Variants in DAB1 observed in about 807,000 individuals in gnomAD.
DAB1 encodes the protein DAB adaptor protein 1.
A neutral mutation model predicts 64.6 loss-of-function variants in DAB1; 15 were observed. That is an observed-to-expected ratio of 0.23 (90% CI 0.16 to 0.36). The LOEUF (loss-of-function observed/expected upper bound fraction) is 0.36. DAB1 is among the 10% of genes least tolerant of loss of function. The pLI is 1.00. For missense variants in DAB1, 596 were observed against 706.7 expected, an observed-to-expected ratio of 0.84 and a Z score of 1.78; for synonymous variants, 235 against 251.9, an observed-to-expected ratio of 0.93 and a Z score of 0.64.
intron 4 of DAB1, among the ~76,000 whole-genome samples, chr1:58,297,168 A>C (rs980916552): frequency 6.6e-6 from 1 of 152,170 alleles, no homozygotes; most frequent in Non-Finnish European, 1.5e-5. Flanking sequence ...GTAAGCATTC[A>C]AGCTTCTTTC....
intron 6 of DAB1, among the ~76,000 whole-genome samples, chr1:57,679,767 C>T (rs1222279394): frequency 1.3e-5 from 2 of 152,156 alleles, no homozygotes; most frequent in Non-Finnish European, 2.9e-5. Flanking sequence ...GGAATAGCAA[C>T]AGGAAGCAGA....
At chr1:57,467,873 A>G (rs1183409221) in intron 7 of DAB1, among the ~76,000 whole-genome samples, 2 of 152,220 alleles carry the variant, frequency 1.3e-5, no homozygotes, top group East Asian at 3.8e-4. Context: ...ACAGATATAC[A>G]TTCTTTAGCA....
At chr1:57,461,172 C>T (rs1173994449) in intron 7 of DAB1, among the ~76,000 whole-genome samples, 1 of 152,180 alleles carries the variant, frequency 6.6e-6, no homozygotes, top group Non-Finnish European at 1.5e-5. Flanking sequence ...CTCCATTTAT[C>T]AAAGCAGATC....
intron 3 of DAB1, among the ~76,000 whole-genome samples, chr1:57,144,402 T>A (rs1441352186): frequency 2.0e-5 from 3 of 152,054 alleles, no homozygotes; most frequent in Admixed American, 1.3e-4. Flanking sequence ...ATTTAAAAAA[T>A]TTCTAATTTC....
chr1:58,039,414 T>C (rs950829516), intron 5 of DAB1, among the ~76,000 whole-genome samples: 4 of 152,220 alleles, frequency 2.6e-5, no homozygotes, highest in Non-Finnish European at 5.9e-5. Flanking sequence ...CTCTACCTCC[T>C]GAGCAATCCT....
intron 3 of DAB1, among the ~76,000 whole-genome samples, chr1:58,471,233 A>G (rs1645354502): frequency 1.3e-5 from 2 of 152,182 alleles, no homozygotes; most frequent in African/African-American, 4.8e-5. Context: ...GGGCCATGAT[A>G]TCTTGACACA....
chr1:58,513,002 A>G (rs1646105236), intron 2 of DAB1, among the ~76,000 whole-genome samples: 1 of 152,218 alleles, frequency 6.6e-6, no homozygotes, highest in Non-Finnish European at 1.5e-5. Flanking sequence ...CTTCAAGAAA[A>G]GTATTATAGA....
At chr1:57,026,252 G>A (rs1646783421) in intron 9 of DAB1, among the ~76,000 whole-genome samples, 1 of 152,144 alleles carries the variant, frequency 6.6e-6, no homozygotes, top group South Asian at 2.1e-4. Context: ...CCTTGCATCT[G>A]GCTATTTATC....
intron 2 of DAB1, among the ~76,000 whole-genome samples, chr1:57,173,763 A>G (rs1408623790): frequency 6.6e-6 from 1 of 152,170 alleles, no homozygotes; most frequent in African/African-American, 2.4e-5. Context: ...TTAGATAAAG[A>G]GGATTTGATT....
chr1:57,302,148 A>C (rs1048721013), intron 1 of DAB1, among the ~76,000 whole-genome samples: 2 of 152,166 alleles, frequency 1.3e-5, no homozygotes, highest in African/African-American at 4.8e-5. Flanking sequence ...CTTGACGGGA[A>C]GCAACCCAAT....
At chr1:58,502,678 C>A (rs1050312341) in intron 3 of DAB1, among the ~76,000 whole-genome samples, 1 of 152,208 alleles carries the variant, frequency 6.6e-6, no homozygotes, top group African/African-American at 2.4e-5. Context: ...AAACTGCCTT[C>A]TTTCATTATA....
chr1:57,245,576 C>T (rs1326400692), intron 2 of DAB1, among the ~76,000 whole-genome samples: 1 of 152,136 alleles, frequency 6.6e-6, no homozygotes, highest in East Asian at 1.9e-4. Flanking sequence ...ATGATGGTTT[C>T]CAGCTTCATC....
intron 5 of DAB1, among the ~76,000 whole-genome samples, chr1:58,078,886 G>T (rs906320754): frequency 2.0e-5 from 3 of 152,128 alleles, no homozygotes; most frequent in Non-Finnish European, 4.4e-5. Context: ...GGGAGACTTG[G>T]TTTTTGGTGG....
intron 2 of DAB1, among the ~76,000 whole-genome samples, chr1:57,286,324 T>A (rs1263245592): frequency 6.6e-6 from 1 of 152,124 alleles, no homozygotes; most frequent in East Asian, 1.9e-4. Flanking sequence ...GGAGTTAAAA[T>A]ATCTGCCCCA....
intron 1 of DAB1, among the ~76,000 whole-genome samples, chr1:57,420,765 A>G (rs1684830306): frequency 1.3e-5 from 2 of 152,228 alleles, no homozygotes; most frequent in Admixed American, 6.5e-5. Context: ...CGTTTTGCAG[A>G]TGATGAAAGC....
intron 5 of DAB1, among the ~76,000 whole-genome samples, chr1:57,924,040 A>G (rs1286360765): frequency 6.6e-6 from 1 of 152,274 alleles, no homozygotes; most frequent in Admixed American, 6.5e-5. Context: ...GGTGTTAGAC[A>G]AGGCTGAATA....
At chr1:58,028,596 CAAG>C (rs1297166515) in intron 5 of DAB1, among the ~76,000 whole-genome samples, 1 of 152,168 alleles carries the variant, frequency 6.6e-6, no homozygotes, top group Non-Finnish European at 1.5e-5. Flanking sequence ...AGGGCTCAAA[CAAG>C]AAGGCAGAGA....
chr1:57,763,567 T>G (rs1417452676), intron 6 of DAB1, among the ~76,000 whole-genome samples: 2 of 152,074 alleles, frequency 1.3e-5, no homozygotes, highest in Non-Finnish European at 2.9e-5. Flanking sequence ...TAGTCCTAAC[T>G]ACTTGGGAGG....
chr1:57,967,495 A>G (rs186079049), intron 5 of DAB1, among the ~76,000 whole-genome samples: 9 of 152,212 alleles, frequency 5.9e-5, no homozygotes, highest in African/African-American at 1.9e-4. Context: ...GCTCAATAAG[A>G]TGTGCTACCC....
Sources: gnomAD v4.1 joint callset for allele counts (sites outside exome capture counted in the v4.1 genomes callset) on GRCh38, gnomAD v4.1.1 for gene constraint, MANE v1.5 for transcripts, NCBI Gene and HGNC (gene_info 2026-07-23, HGNC 2026-07-21) for gene names.